CSMD1: variants seen among roughly 807,000 people sequenced by gnomAD.
The protein encoded by CSMD1 is CUB and sushi domain-containing protein 1.
In CSMD1, 213 loss-of-function variants were observed where a neutral mutation model predicts 417.5. That is an observed-to-expected ratio of 0.51 (90% confidence interval 0.46 to 0.57). The LOEUF is 0.57. Ranked by LOEUF, CSMD1 falls within the 20% of genes least tolerant of loss-of-function variation. The pLI, the probability that CSMD1 is intolerant of heterozygous loss-of-function variation, is 0.00. For synonymous variants in CSMD1, 2,862 were observed against 1,736.8 expected (o/e 1.65, Z -16.11); for missense variants, 6,923 against 4,529.7 (o/e 1.53, Z -15.17).
intron 1 of CSMD1, among the ~76,000 whole-genome samples, chr8:4,992,386 C>T (rs763622128): frequency 6.6e-6 from 1 of 152,212 alleles, no homozygotes; most frequent in Non-Finnish European, 1.5e-5. Context: ...GCAGCCGGAG[C>T]GTGCGGAACT....
intron 5 of CSMD1, among the ~76,000 whole-genome samples, chr8:3,866,441 T>TA (rs564015527): frequency 2.6e-5 from 4 of 152,218 alleles, no homozygotes; most frequent in Non-Finnish European, 5.9e-5. Context: ...GATTACCTGA[T>TA]ATGTTTAAAT....
At chr8:4,104,462 C>T (rs774630538) in intron 3 of CSMD1, among the ~76,000 whole-genome samples, 5 of 151,860 alleles carry the variant, frequency 3.3e-5, no homozygotes, top group African/African-American at 1.2e-4. Context: ...AGGATATGTG[C>T]ACTGAATGTA....
intron 3 of CSMD1, among the ~76,000 whole-genome samples, chr8:4,127,830 A>G (rs1345126751): frequency 6.6e-6 from 1 of 152,120 alleles, no homozygotes; most frequent in African/African-American, 2.4e-5. Context: ...TATCATTCTT[A>G]TTATTATTGT....
intron 12 of CSMD1, among the ~76,000 whole-genome samples, chr8:3,459,591 A>G (rs1259281028): frequency 6.6e-6 from 1 of 152,126 alleles, no homozygotes; most frequent in Non-Finnish European, 1.5e-5. Flanking sequence ...CAACAGGGGA[A>G]TTCAACCAAT....
intron 2 of CSMD1, among the ~76,000 whole-genome samples, chr8:4,447,022 GGA>G (rs1290539075): frequency 6.6e-6 from 1 of 152,030 alleles, no homozygotes; most frequent in African/African-American, 2.4e-5. Flanking sequence ...AAGGGATTGT[GGA>G]GTTAACAAAA....
chr8:3,816,715 G>C (rs1442246772), intron 5 of CSMD1, among the ~76,000 whole-genome samples: 2 of 152,116 alleles, frequency 1.3e-5, no homozygotes, highest in African/African-American at 4.8e-5. Context: ...CAAATCATGG[G>C]AATGTATTTA....
intron 2 of CSMD1, among the ~76,000 whole-genome samples, chr8:4,548,822 C>G (rs989070757): frequency 3.3e-5 from 5 of 152,086 alleles, no homozygotes; most frequent in African/African-American, 1.2e-4. Context: ...ATATGGAGAG[C>G]ATACTGCCTT....
chr8:4,078,942 TG>T lies in CSMD1; in HGVS notation c.416-46844del, dbSNP rs1799980853. Among the ~76,000 whole-genome samples, 4 of 13,400 alleles carry T rather than the reference TG, an allele frequency of 3.0e-4. No individual in the cohort carries two copies. In the East Asian group the frequency reaches 9.2e-3, roughly 31 times the overall value. 8.8% of individuals were successfully genotyped at this position (13,400 alleles called of 152,430 possible). On this transcript the variant is annotated intron_variant, in intron 3 of 69. Coordinates refer to ENST00000635120, the MANE Select transcript of CSMD1 (RefSeq NM_033225.6). ...ATATATATATATATATATATATATA[TG>T]TATGTTGAAAAGCTATCTTCTCTTC... is the stretch of plus-strand genomic sequence containing the variant.
chr8:3,283,987 G>T (rs566421499), intron 26 of CSMD1, among the ~76,000 whole-genome samples, 157 bp downstream of exon 26: 4 of 152,256 alleles, frequency 2.6e-5, no homozygotes, highest in African/African-American at 9.6e-5. Flanking sequence ...TGGGGGAAGA[G>T]AACTCTTCTC....
rs2128934824 is a variant in CSMD1, at chr8:2,974,603, C to T, written c.8588G>A (p.Gly2863Glu). Residue 2863 changes from glycine to glutamate, a missense_variant, in exon 56 of 70, where the codon GGG becomes GAG. By Grantham distance (98) the Gly-to-Glu change is moderately conservative. Transcript: ENST00000635120. ...AGTGAGGACGGCGTTGGCAGGGACC[C>T]CTGGGTGTCCACACGATATAGCTTC... ...KCLAISCGHP[G>E]VPANAVLTGE... The T allele has an allele frequency of 1.2e-6, 2 of 1,608,694 alleles. No individual in the cohort carries two copies. The highest frequency in any genetic ancestry group is 1.7e-6 in the Non-Finnish European group (2 of 1,177,454).
intron 3 of CSMD1, among the ~76,000 whole-genome samples, chr8:4,114,503 C>T (rs577014140): frequency 6.6e-6 from 1 of 152,174 alleles, no homozygotes; most frequent in Non-Finnish European, 1.5e-5. Context: ...AATAAAATAT[C>T]CATTCTGCAG....
chr8:4,772,544 T>C (rs1047807123), intron 1 of CSMD1, among the ~76,000 whole-genome samples: 2 of 152,206 alleles, frequency 1.3e-5, no homozygotes, highest in African/African-American at 4.8e-5. Flanking sequence ...GAAAAGTTTT[T>C]AGCAGTCACA....
intron 3 of CSMD1, among the ~76,000 whole-genome samples, chr8:4,221,638 C>T (rs193091051): frequency 6.6e-6 from 1 of 152,246 alleles, no homozygotes; most frequent in East Asian, 1.9e-4. Flanking sequence ...AATTTCACAT[C>T]CCCTGACACC....
intron 2 of CSMD1, among the ~76,000 whole-genome samples, chr8:4,478,560 A>G (rs1056058015): frequency 1.3e-5 from 2 of 152,196 alleles, no homozygotes; most frequent in Non-Finnish European, 2.9e-5. Flanking sequence ...ATGTACCGAT[A>G]TTGATGATAG....
chr8:3,298,612 A>G (rs944454356), intron 25 of CSMD1, among the ~76,000 whole-genome samples: 1 of 152,104 alleles, frequency 6.6e-6, no homozygotes, highest in African/African-American at 2.4e-5. Flanking sequence ...TGCCAACACA[A>G]CTTGCTTATT....
chr8:3,991,973 T>A lies in CSMD1; in HGVS notation c.818+5930A>T, dbSNP rs1055043005. On this transcript the variant is annotated intron_variant, in intron 5 of 69. Transcript: ENST00000635120. ...CACTCGGTGATTATTAAATGTTTTTTTACAAAAAAAATACACTATTGAAAA... is the reference window on the plus strand; with the variant it reads ...CACTCGGTGATTATTAAATGTTTTTATACAAAAAAAATACACTATTGAAAA... Among the ~76,000 whole-genome samples the A allele has an allele frequency of 2.3e-4, 35 of 150,680 alleles. 1 individual carries two copies. Among genetic ancestry groups the A allele is most frequent in the African/African-American group, 8.6e-4 (35 of 40,878 alleles).
intron 3 of CSMD1, among the ~76,000 whole-genome samples, chr8:4,070,451 G>A (rs377048298): frequency 1.4e-4 from 21 of 151,916 alleles, no homozygotes; most frequent in East Asian, 5.8e-4. Flanking sequence ...TCCGCCTCCC[G>A]GGTTCACACC....
chr8:3,521,792 A>C (rs916251229), intron 10 of CSMD1, among the ~76,000 whole-genome samples: 9 of 152,226 alleles, frequency 5.9e-5, no homozygotes, highest in Middle Eastern at 3.2e-3. Flanking sequence ...TGAATGACAA[A>C]GAATGGATTC....
chr8:3,140,232 T>G (rs1392478034), intron 41 of CSMD1, among the ~76,000 whole-genome samples: 1 of 152,084 alleles, frequency 6.6e-6, no homozygotes, highest in Admixed American at 6.5e-5. Context: ...GGAGGTACAT[T>G]CTCTTCCATT....
Sources: allele counts gnomAD v4.1 joint callset (sites outside exome capture counted in the v4.1 genomes callset), GRCh38; gene constraint gnomAD v4.1.1; transcripts MANE v1.5; gene names NCBI Gene and HGNC (gene_info 2026-07-23, HGNC 2026-07-21).